Variants in HS6ST3 observed in about 807,000 individuals in gnomAD.
HS6ST3 encodes the protein heparan-sulfate 6-O-sulfotransferase 3.
In HS6ST3, 12 loss-of-function variants were observed where a neutral mutation model predicts 36.7. The ratio of observed to expected loss-of-function variants is 0.33; its 90% CI spans 0.21 to 0.53. The LOEUF is 0.53. HS6ST3 is among the 20% of genes least tolerant of loss of function. The pLI, the probability that HS6ST3 is intolerant of heterozygous loss-of-function variation, is 0.95. For synonymous variants in HS6ST3, 240 were observed against 257.5 expected (o/e 0.93, Z 0.65); for missense variants, 584 against 640.9 (o/e 0.91, Z 0.96).
intron 1 of HS6ST3, among the ~76,000 whole-genome samples, chr13:96,484,769 T>G (rs2055906079): frequency 6.6e-6 from 1 of 152,230 alleles, no homozygotes; most frequent in African/African-American, 2.4e-5. Context: ...TTAGGTTGTT[T>G]CCATATCTTG....
chr13:96,464,316 T>C (rs1384174605), intron 1 of HS6ST3, among the ~76,000 whole-genome samples: 1 of 151,924 alleles, frequency 6.6e-6, no homozygotes, highest in Non-Finnish European at 1.5e-5. Context: ...TTTTAATTGG[T>C]CAGGGAGACA....
chr13:96,142,222 G>A (rs2054035623), intron 1 of HS6ST3, among the ~76,000 whole-genome samples: 1 of 152,070 alleles, frequency 6.6e-6, no homozygotes, highest in African/African-American at 2.4e-5. Context: ...AATCAATATA[G>A]TTATCAATTT....
intron 1 of HS6ST3, among the ~76,000 whole-genome samples, chr13:96,250,593 G>C (rs1467222408): frequency 6.6e-6 from 1 of 152,162 alleles, no homozygotes; most frequent in Non-Finnish European, 1.5e-5. Context: ...GTCTCTGTCA[G>C]TACCTTGGTT....
intron 1 of HS6ST3, among the ~76,000 whole-genome samples, chr13:96,735,234 AAAG>A (rs1174482439): frequency 6.6e-6 from 1 of 152,120 alleles, no homozygotes; most frequent in Non-Finnish European, 1.5e-5. Context: ...AGAAAAAAAA[AAAG>A]AACGTACAAA....
chr13:96,810,953 A>G (rs1448797795), intron 1 of HS6ST3, among the ~76,000 whole-genome samples: 1 of 152,282 alleles, frequency 6.6e-6, no homozygotes, highest in East Asian at 1.9e-4. Context: ...GCTGTGAACA[A>G]TATTCCAAAT....
chr13:96,102,817 A>G (rs1461760608), intron 1 of HS6ST3, among the ~76,000 whole-genome samples: 1 of 152,210 alleles, frequency 6.6e-6, no homozygotes, highest in East Asian at 1.9e-4. Context: ...ATGAATTACT[A>G]ATGATACATG....
chr13:96,397,404 A>G (rs2055427724), intron 1 of HS6ST3, among the ~76,000 whole-genome samples: 1 of 152,088 alleles, frequency 6.6e-6, no homozygotes, highest in South Asian at 2.1e-4. Flanking sequence ...TGTGTAATCC[A>G]TTTTTGTCTA....
rs866971165 is a variant in HS6ST3 at position 96,833,368 on chromosome 13, T to C, written c.*170T>C. ...TTTTTATCCAGCTGGAGATTATCCG[T>C]CTTGTTCTTTTTTTTCTTGACATTT... On this transcript the variant is annotated 3_prime_UTR_variant, in exon 2 of 2. Transcript: ENST00000376705. 201 of 611,364 alleles carry C rather than the reference T, an allele frequency of 3.3e-4. No individual in the cohort carries two copies. The highest frequency in any genetic ancestry group is 2.6e-3 in the Middle Eastern group (6 of 2,300). The allele number at this position is 611,364 out of a possible 1,614,324, so 37.9% of individuals were successfully genotyped here.
chr13:96,093,754 A>C (rs1277220401), intron 1 of HS6ST3, among the ~76,000 whole-genome samples: 1 of 152,162 alleles, frequency 6.6e-6, no homozygotes, highest in Non-Finnish European at 1.5e-5. Context: ...ATAGGGAAAA[A>C]GTTGAAAGGA....
chr13:96,677,728 T>G (rs1372006588), intron 1 of HS6ST3, among the ~76,000 whole-genome samples: 1 of 152,192 alleles, frequency 6.6e-6, no homozygotes, highest in African/African-American at 2.4e-5. Context: ...TATATTTATC[T>G]TATGACATTG....
At chr13:96,223,656 G>A (rs78913805) in intron 1 of HS6ST3, among the ~76,000 whole-genome samples, 48 of 152,048 alleles carry the variant, frequency 3.2e-4, no homozygotes, top group Admixed American at 4.6e-4. Context: ...ATGGATATGG[G>A]GGGGGGGAAG....
intron 1 of HS6ST3, among the ~76,000 whole-genome samples, chr13:96,185,536 G>C (rs910099788): frequency 6.6e-6 from 1 of 152,150 alleles, no homozygotes; most frequent in East Asian, 1.9e-4. Flanking sequence ...TGAGGGCAGA[G>C]ACCATTTCAA....
chr13:96,698,089 C>T (rs1875181709), intron 1 of HS6ST3, among the ~76,000 whole-genome samples: 4 of 152,002 alleles, frequency 2.6e-5, no homozygotes, highest in Admixed American at 2.6e-4. Flanking sequence ...TACATGTGCA[C>T]AACGTGCAGG....
intron 1 of HS6ST3, among the ~76,000 whole-genome samples, chr13:96,589,791 T>C (rs1194262611): frequency 1.3e-5 from 2 of 152,118 alleles, no homozygotes; most frequent in East Asian, 3.9e-4. Context: ...TCATTCTTTC[T>C]GTATATTTTT....
At chr13:96,325,066 C>T (rs1157771290) in intron 1 of HS6ST3, among the ~76,000 whole-genome samples, 1 of 152,182 alleles carries the variant, frequency 6.6e-6, no homozygotes, top group African/African-American at 2.4e-5. Flanking sequence ...ATCACTTACT[C>T]ACCAGTAAAA....
At chr13:96,473,124 A>T (rs2055847327) in intron 1 of HS6ST3, among the ~76,000 whole-genome samples, 1 of 152,216 alleles carries the variant, frequency 6.6e-6, no homozygotes, top group Admixed American at 6.5e-5. Flanking sequence ...GCCTAGCAGT[A>T]TCTGCCTGAA....
chr13:96,739,059 T>G (rs898834836), intron 1 of HS6ST3, among the ~76,000 whole-genome samples: 2 of 152,164 alleles, frequency 1.3e-5, no homozygotes, highest in Non-Finnish European at 2.9e-5. Context: ...AATGTTTTTC[T>G]TCCTTTGGCT....
intron 1 of HS6ST3, among the ~76,000 whole-genome samples, chr13:96,132,174 A>G (rs1479591782): frequency 1.4e-5 from 2 of 143,910 alleles, no homozygotes; most frequent in Non-Finnish European, 3.0e-5. Context: ...ACACACACAG[A>G]GCGCATTTTC....
intron 1 of HS6ST3, among the ~76,000 whole-genome samples, chr13:96,787,813 G>T (rs895559897): frequency 6.6e-6 from 1 of 151,862 alleles, no homozygotes; most frequent in Non-Finnish European, 1.5e-5. Flanking sequence ...TTATGCTTTT[G>T]TAAGGACTCT....
Sources: allele counts gnomAD v4.1 joint callset (sites outside exome capture counted in the v4.1 genomes callset), GRCh38; gene constraint gnomAD v4.1.1; transcripts MANE v1.5; gene names NCBI Gene and HGNC (gene_info 2026-07-23, HGNC 2026-07-21).